The following FABP12 variants were observed in gnomAD, a reference collection of about 807,000 sequenced individuals.
FABP12 encodes the protein fatty acid binding protein 12.
In FABP12, 19 loss-of-function variants were observed where a neutral mutation model predicts 13.7. The ratio of observed to expected loss-of-function variants is 1.39; its 90% CI spans 0.97 to 2.04. The LOEUF is 2.04. FABP12 is among the 30% of genes most tolerant of loss of function. The pLI, the probability that FABP12 is intolerant of heterozygous loss-of-function variation, is 0.00. For missense variants in FABP12, 182 were observed against 164.2 expected, an observed-to-expected ratio of 1.11 and a Z score of -0.59; for synonymous variants, 61 against 57.0, an observed-to-expected ratio of 1.07 and a Z score of -0.32.
intron 1 of FABP12, among the ~76,000 whole-genome samples, chr8:81,532,186 G>A (rs1016654414): frequency 2.8e-4 from 42 of 152,218 alleles, no homozygotes; most frequent in African/African-American, 9.4e-4. Flanking sequence ...AGCTAGAGAA[G>A]AGGGGACTCC....
intron 1 of FABP12, among the ~76,000 whole-genome samples, chr8:81,557,634 T>C (rs926742305): frequency 6.6e-6 from 1 of 152,238 alleles, no homozygotes. Context: ...CTGAAATCAA[T>C]TAAAATCTTT....
At chr8:81,535,372 G>C (rs574945966), upstream of FABP12, among the ~76,000 whole-genome samples, 43 of 152,220 alleles carry the variant, frequency 2.8e-4, no homozygotes, top group African/African-American at 9.6e-4. Flanking sequence ...GGGAGTGTGG[G>C]GGTGCAGTTT....
chr8:81,548,601 A>T (rs901257743), intron 1 of FABP12, among the ~76,000 whole-genome samples: 13 of 152,162 alleles, frequency 8.5e-5, no homozygotes, highest in African/African-American at 2.9e-4. Context: ...AAACTTGGTA[A>T]AATGCAGATA....
At chr8:81,582,117 A>ATT (rs1563559505) in intron 1 of FABP12, among the ~76,000 whole-genome samples, 127 of 68,672 alleles carry the variant, frequency 1.8e-3, no homozygotes, top group African/African-American at 6.5e-3. Flanking sequence ...GGCTAACTGG[A>ATT]ATTTTTTTTT....
At position 81,529,585 on chromosome 8, in the gene FABP12, CA is replaced by C; in HGVS notation, c.98del (p.Leu33ArgfsTer9). On this transcript the variant is annotated frameshift_variant, in exon 3 of 5. Coordinates refer to ENST00000360464, the Ensembl canonical transcript of FABP12. LOFTEE classifies it high-confidence loss of function. ...TCACAGTGGGTTTTGCCAAACGGCC[CA>C]GTTTCCTGCTGGCTCTTCCTATACC... The C allele has an allele frequency of 6.2e-7, 1 of 1,613,758 alleles. No homozygotes were observed. The highest frequency in any genetic ancestry group is 8.5e-7 in the Non-Finnish European group (1 of 1,179,810).
intron 1 of FABP12, among the ~76,000 whole-genome samples, chr8:81,567,778 G>A (rs1490643297): frequency 2.0e-5 from 3 of 152,286 alleles, no homozygotes; most frequent in South Asian, 4.1e-4. Context: ...TACTCCACGA[G>A]GACAGGCAAT....
chr8:81,540,766 A>C (rs1302845968), intron 1 of FABP12, among the ~76,000 whole-genome samples: 1 of 152,204 alleles, frequency 6.6e-6, no homozygotes, highest in Non-Finnish European at 1.5e-5. Flanking sequence ...GGTTTTGAAA[A>C]ATATACACGT....
At position 81,550,529 on chromosome 8, in the gene FABP12, T is replaced by C. The variant is rs113184690; in HGVS notation, c.-184-10786A>G. On this transcript the variant is annotated intron_variant, in intron 1 of 5. Transcript: ENST00000692030. ...CTTCCCCAACCTCTCCTCTCTTTCA[T>C]TTCATGAGTATGTTCGAATCTCTAC... Among the ~76,000 whole-genome samples the C allele has an allele frequency of 9.9e-3, 1,512 of 152,264 alleles. 16 individuals carry two copies. Among genetic ancestry groups the C allele is most frequent in the African/African-American group, 0.033 (1,357 of 41,566 alleles).
intron 1 of FABP12, among the ~76,000 whole-genome samples, chr8:81,550,769 A>G (rs1809512104): frequency 6.6e-6 from 1 of 152,296 alleles, no homozygotes; most frequent in South Asian, 2.1e-4. Flanking sequence ...AAACCTAGGT[A>G]CCTTTATTTC....
At chr8:81,545,116 G>A (rs1462134181) in intron 1 of FABP12, among the ~76,000 whole-genome samples, 2 of 152,116 alleles carry the variant, frequency 1.3e-5, no homozygotes, top group East Asian at 1.9e-4. Context: ...CACCTCTCGG[G>A]TTCAAGCGAT....
chr8:81,587,236 A>T (rs954434713), intron 1 of FABP12, among the ~76,000 whole-genome samples: 1 of 152,176 alleles, frequency 6.6e-6, no homozygotes, highest in South Asian at 2.1e-4. Flanking sequence ...TGATGCTCCC[A>T]GGTTCGTTCT....
At chr8:81,527,628 C>T (rs903710102) in intron 3 of FABP12, among the ~76,000 whole-genome samples, 1 of 152,222 alleles carries the variant, frequency 6.6e-6, no homozygotes, top group Non-Finnish European at 1.5e-5. Flanking sequence ...TCCCAAAGCA[C>T]TGGGATTACA....
At chr8:81,544,046 G>A (rs1483810287) in intron 1 of FABP12, among the ~76,000 whole-genome samples, 5 of 152,182 alleles carry the variant, frequency 3.3e-5, no homozygotes, top group Non-Finnish European at 7.3e-5. Context: ...GTGGTGGTCT[G>A]GAGTAGGTAA....
intron 1 of FABP12, among the ~76,000 whole-genome samples, chr8:81,578,826 T>TC (rs1554579829): frequency 0.018 from 2,024 of 112,612 alleles, 210 homozygotes; most frequent in African/African-American, 0.065. Context: ...TGTTCAAGTT[T>TC]TTTTTTTTTT....
chr8:81,585,247 T>C (rs1358620185), intron 1 of FABP12, among the ~76,000 whole-genome samples: 1 of 152,212 alleles, frequency 6.6e-6, no homozygotes, highest in Non-Finnish European at 1.5e-5. Flanking sequence ...CATTGTGATT[T>C]GCCGCTTTTT....
Position 81,539,568 on chromosome 8 carries a change from T to C in FABP12, c.-59+50A>G, listed in dbSNP as rs185139739. On this transcript the variant is annotated intron_variant, in intron 2 of 5. Coordinates refer to the FABP12 transcript ENST00000692030. ...ACTGAAGAACTTAAGATTTAGGCAATAAAATAAATTAGTTGATGCTGGTAA... is the reference window on the plus strand; with the variant it reads ...ACTGAAGAACTTAAGATTTAGGCAACAAAATAAATTAGTTGATGCTGGTAA... Among the ~76,000 whole-genome samples the C allele has an allele frequency of 7.8e-3, 1,130 of 144,320 alleles. 9 individuals carry two copies. Among genetic ancestry groups the C allele is most frequent in the African/African-American group, 0.029 (1,057 of 36,500 alleles). The allele number at this position is 144,320 out of a possible 152,430, so 94.7% of individuals were successfully genotyped here.
intron 1 of FABP12, among the ~76,000 whole-genome samples, chr8:81,586,781 C>T (rs1314102743): frequency 2.0e-5 from 3 of 151,930 alleles, no homozygotes; most frequent in East Asian, 1.9e-4. Context: ...TTTGATGTAC[C>T]GATGCTTTTT....
intron 1 of FABP12, among the ~76,000 whole-genome samples, chr8:81,580,930 C>A (rs1449599302): frequency 6.6e-6 from 1 of 152,134 alleles, no homozygotes; most frequent in Non-Finnish European, 1.5e-5. Flanking sequence ...TCGGGATAGA[C>A]TGAGAACTTT....
At chr8:81,569,867 C>T (rs541454115) in intron 1 of FABP12, among the ~76,000 whole-genome samples, 1 of 152,254 alleles carries the variant, frequency 6.6e-6, no homozygotes, top group East Asian at 1.9e-4. Context: ...GCCGGTGGTG[C>T]CTTTGCCCAA....
Sources: gnomAD v4.1 joint callset for allele counts (sites outside exome capture counted in the v4.1 genomes callset) on GRCh38, gnomAD v4.1.1 for gene constraint, MANE v1.5 for transcripts, NCBI Gene and HGNC (gene_info 2026-07-23, HGNC 2026-07-21) for gene names.